ESCO2: variants seen among roughly 807,000 people sequenced by gnomAD.
The protein encoded by ESCO2 is N-acetyltransferase ESCO2.
In ESCO2, 51 loss-of-function variants were observed where a neutral mutation model predicts 61.7. That is an observed-to-expected ratio of 0.83 (90% confidence interval 0.66 to 1.04). ESCO2 has a LOEUF of 1.04. Among genes scored for constraint, ESCO2 ranks in the 50% least tolerant of loss-of-function variants. The pLI is 0.00. For missense variants in ESCO2, 692 were observed against 686.2 expected (o/e 1.01, Z -0.09); for synonymous variants, 230 against 238.2 (o/e 0.97, Z 0.32).
intron 6 of ESCO2, 145 bp from the exon 7 acceptor site, chr8:27,788,702 G>A (rs1412031911): frequency 1.0e-6 from 1 of 961,658 alleles, no homozygotes; most frequent in Non-Finnish European, 1.6e-6. Context: ...GGAGGATATG[G>A]TAACCAGATT....
intron 3 of ESCO2, chr8:27,778,881 G>C (rs939783996): frequency 6.6e-6 from 1 of 152,168 alleles, no homozygotes; most frequent in Non-Finnish European, 1.5e-5. Context: ...ACCCATGTCT[G>C]GGATTCGTCT....
chr8:27,772,319 T>C (rs1291207501), upstream of ESCO2, among the ~76,000 whole-genome samples: 1 of 152,174 alleles, frequency 6.6e-6, no homozygotes, highest in Non-Finnish European at 1.5e-5. Flanking sequence ...CCCCACGCCA[T>C]GACGAGGGGA....
chr8:27,784,074 T>C lies in ESCO2; in HGVS notation c.1013+17T>C, dbSNP rs369933331. 33 of 1,610,224 alleles carry C rather than the reference T, an allele frequency of 2.0e-5. No individual in the cohort carries two copies. The highest frequency in any genetic ancestry group is 2.6e-5 in the Non-Finnish European group (31 of 1,176,822). ...TTCAAAAAGGTGAGAATTGTTATTG[T>C]TTTAAAGTCCAAGCCTTGTAAATTA... On this transcript the variant is annotated intron_variant, in intron 5 of 10. Transcript: ENST00000305188.
chr8:27,800,218 C>A (rs1162404534), intron 10 of ESCO2, among the ~76,000 whole-genome samples: 1 of 152,022 alleles, frequency 6.6e-6, no homozygotes, highest in Non-Finnish European at 1.5e-5. Context: ...ATCCATAGAA[C>A]GAGAGAAAAT....
rs1563483579 is a variant in ESCO2, at chr8:27,804,644, G to A, written c.*1206G>A. The A allele has an allele frequency of 4.1e-6, 4 of 985,180 alleles. No homozygotes were observed. Among genetic ancestry groups the A allele is most frequent in the Non-Finnish European group, 4.8e-6 (4 of 829,904 alleles). 61.0% of individuals were successfully genotyped at this position (985,180 alleles called of 1,614,324 possible). A position where few individuals can be genotyped will look rare whatever the true frequency, so the allele number is the denominator to read the frequency against. On this transcript the variant is annotated 3_prime_UTR_variant, in exon 11 of 11. Transcript: ENST00000305188. The stretch of plus-strand genomic sequence containing the variant: ...CTGGCAATAAGACTCTAGGCAAGTC[G>A]TTTTCCAGATTGTAATTATATGTAG...
chr8:27,819,167 T>C, the ESCO2 span, among the ~76,000 whole-genome samples: 1 of 152,154 alleles, frequency 6.6e-6, no homozygotes, highest in Non-Finnish European at 1.5e-5. Flanking sequence ...CCCAGCCATG[T>C]TTGATTGAAC....
At chr8:27,814,231 T>C (rs1805766613), downstream of ESCO2, among the ~76,000 whole-genome samples, 1 of 152,200 alleles carries the variant, frequency 6.6e-6, no homozygotes, top group Non-Finnish European at 1.5e-5. Context: ...TAGGGCTATG[T>C]GGATTTCCTT....
intron 9 of ESCO2, among the ~76,000 whole-genome samples, chr8:27,794,999 G>T (rs28775403): frequency 6.6e-6 from 1 of 151,954 alleles, no homozygotes; most frequent in Admixed American, 6.6e-5. Flanking sequence ...TGCTTTGGCC[G>T]TTTGGAATCT....
chr8:27,789,099 A>G, intron 7 of ESCO2, 121 bp downstream of exon 7: 1 of 1,235,344 alleles, frequency 8.1e-7, no homozygotes, highest in East Asian at 2.5e-5. Flanking sequence ...TTTCAAGCTT[A>G]CTATCTCAAT....
Position 27,780,204 on chromosome 8 carries a change from G to A in ESCO2, c.892G>A (p.Glu298Lys). 1 of 1,611,410 alleles carries A rather than the reference G, an allele frequency of 6.2e-7. No individual in the cohort carries two copies. Among genetic ancestry groups the A allele is most frequent in the South Asian group, 1.1e-5 (1 of 90,686 alleles). ...DSSDDRVSSKEHKVDKNEAFS... is the reference protein window; with the variant it reads ...DSSDDRVSSKKHKVDKNEAFS... ...ATCAGATGACAGAGTTTCTTCAAAG[G>A]AACATAAAGTTGATAAAAATGAGGC... Residue 298 changes from glutamate (E) to lysine (K), a missense_variant, in exon 4 of 11, where the codon GAA (glutamate) becomes AAA (lysine). Glu to Lys is a moderately conservative substitution (Grantham distance 56, BLOSUM62 1). Coordinates refer to ENST00000305188, the MANE Select transcript of ESCO2 (RefSeq NM_001017420.3).
At chr8:27,791,617 C>A (rs886413653) in intron 7 of ESCO2, among the ~76,000 whole-genome samples, 1 of 152,124 alleles carries the variant, frequency 6.6e-6, no homozygotes, top group African/African-American at 2.4e-5. Context: ...TCTTCTACCC[C>A]TCCCCTACCT....
intron 10 of ESCO2, among the ~76,000 whole-genome samples, chr8:27,801,969 A>ATTTTTTTTT (rs34539100): frequency 1.2e-4 from 10 of 83,794 alleles, no homozygotes; most frequent in Non-Finnish European, 1.5e-4. Context: ...CCTTCATGGC[A>ATTTTTTTTT]TTTTTTTTTT....
Position 27,803,800 on chromosome 8 carries a change from C to T in ESCO2, c.*362C>T. On this transcript the variant is annotated 3_prime_UTR_variant, in exon 11 of 11. Transcript: ENST00000305188. ...AAATGTGACCTGGTCTTTTATAAAG[C>T]CCACTCTTAGACCAGGATTATCTAA... 9.7e-7 allele frequency: 1 copy of T among 1,034,174 alleles called. No homozygotes were observed. Among genetic ancestry groups the T allele is most frequent in the Non-Finnish European group, 1.2e-6 (1 of 861,322 alleles). The allele number at this position is 1,034,174 out of a possible 1,614,324, so 64.1% of individuals were successfully genotyped here. A position where few individuals can be genotyped will look rare whatever the true frequency, so the allele number is the denominator to read the frequency against.
intron 4 of ESCO2, among the ~76,000 whole-genome samples, chr8:27,781,156 ATT>A (rs1804918868): frequency 1.3e-5 from 2 of 152,224 alleles, no homozygotes; most frequent in Non-Finnish European, 2.9e-5. Context: ...CCAAAACTTT[ATT>A]ACTTAATAAC....
intron 10 of ESCO2, among the ~76,000 whole-genome samples, chr8:27,802,631 ATATATATATATATATATATATATATTAT>A (rs1805466314): frequency 1.3e-4 from 5 of 38,752 alleles, no homozygotes; most frequent in Admixed American, 3.9e-4. Context: ...AAAAAAAAAA[ATATATATATATATATATATATATATTAT>A]ATATATATAT....
At chr8:27,780,081 C>A (rs1804889744) in intron 3 of ESCO2, 93 bp from the exon 4 acceptor site, 3 of 784,384 alleles carry the variant, frequency 3.8e-6, no homozygotes, top group Non-Finnish European at 2.2e-6. Flanking sequence ...TAAACCAAAT[C>A]TTTTGTTTTA....
chr8:27,772,503 G>A, upstream of ESCO2: 1 of 1,549,918 alleles, frequency 6.5e-7, no homozygotes, highest in South Asian at 1.2e-5. Context: ...AGGACGTGGC[G>A]CCCACTCACC....
rs1427392078 is a variant in ESCO2, at chr8:27,803,566, A to G, written c.*128A>G. 2.1e-6 allele frequency: 3 copies of G among 1,451,892 alleles called. No individual in the cohort carries two copies. The highest frequency in any genetic ancestry group is 1.4e-5 in the African/African-American group (1 of 69,394). 89.9% of individuals were successfully genotyped at this position (1,451,892 alleles called of 1,614,324 possible). Reference sequence around the variant, plus strand: ...CACACTCATACACACACACACACACACGCACACACACATATCACAGTTTTG... The same window carrying G: ...CACACTCATACACACACACACACACGCGCACACACACATATCACAGTTTTG... On this transcript the variant is annotated 3_prime_UTR_variant, in exon 11 of 11. Coordinates refer to ENST00000305188, the MANE Select transcript of ESCO2 (RefSeq NM_001017420.3).
At chr8:27,788,422 T>TA (rs1805097096) in intron 6 of ESCO2, among the ~76,000 whole-genome samples, 1 of 152,206 alleles carries the variant, frequency 6.6e-6, no homozygotes, top group Non-Finnish European at 1.5e-5. Flanking sequence ...ACCATGAGTC[T>TA]AGTAAATAAT....
Sources: gnomAD v4.1 joint callset for allele counts (sites outside exome capture counted in the v4.1 genomes callset) on GRCh38, gnomAD v4.1.1 for gene constraint, MANE v1.5 for transcripts, NCBI Gene and HGNC (gene_info 2026-07-23, HGNC 2026-07-21) for gene names.